CSMD1: variants seen among roughly 807,000 people sequenced by gnomAD.
CSMD1 encodes the protein CUB and Sushi multiple domains 1.
A neutral mutation model predicts 417.5 loss-of-function variants in CSMD1; 213 were observed. The observed-to-expected ratio is 0.51, with a 90% CI of 0.46 to 0.57. The LOEUF is 0.57. Among genes scored for constraint, CSMD1 ranks in the 20% least tolerant of loss-of-function variants. The pLI is 0.00. For missense variants in CSMD1, 6,923 were observed against 4,529.7 expected (o/e 1.53, Z -15.17); for synonymous variants, 2,862 against 1,736.8 (o/e 1.65, Z -16.11).
intron 3 of CSMD1, among the ~76,000 whole-genome samples, chr8:4,142,075 C>T (rs184590286): frequency 7.4e-6 from 1 of 135,110 alleles, no homozygotes; most frequent in East Asian, 2.0e-4. Flanking sequence ...AAAAAAATAA[C>T]TCCATACTGG....
chr8:3,554,940 C>CCCCTGTGTGTTA (rs1233422249), intron 10 of CSMD1, among the ~76,000 whole-genome samples: 1 of 151,932 alleles, frequency 6.6e-6, no homozygotes, highest in Non-Finnish European at 1.5e-5. Flanking sequence ...GCAAGTGGGT[C>CCCCTGTGTGTTA]AGGGGTGTTA....
At chr8:4,100,535 G>A (rs1254486919) in intron 3 of CSMD1, among the ~76,000 whole-genome samples, 1 of 152,200 alleles carries the variant, frequency 6.6e-6, no homozygotes. Flanking sequence ...TTATAGAAGT[G>A]TTGAAGGATC....
At chr8:3,165,707 A>C (rs1284013962) in intron 37 of CSMD1, among the ~76,000 whole-genome samples, 1 of 152,084 alleles carries the variant, frequency 6.6e-6, no homozygotes, top group Non-Finnish European at 1.5e-5. Context: ...TGCTGGGAGA[A>C]CGGTGGTTTT....
chr8:4,268,074 C>T (rs1237011297), intron 3 of CSMD1, among the ~76,000 whole-genome samples: 2 of 152,072 alleles, frequency 1.3e-5, no homozygotes, highest in Non-Finnish European at 2.9e-5. Context: ...TCCTCGCAAT[C>T]CACAAATTGA....
At chr8:3,640,735 A>G (rs1180656285) in intron 7 of CSMD1, among the ~76,000 whole-genome samples, 2 of 152,208 alleles carry the variant, frequency 1.3e-5, no homozygotes, top group Non-Finnish European at 2.9e-5. Context: ...GTTGTCCCTG[A>G]AAAACATTCA....
intron 3 of CSMD1, among the ~76,000 whole-genome samples, chr8:4,239,957 A>T (rs545590672): frequency 6.6e-6 from 1 of 152,318 alleles, no homozygotes; most frequent in Admixed American, 6.5e-5. Flanking sequence ...GCACTTTTAA[A>T]TCCAAACCTC....
chr8:4,986,797 T>C (rs1328013720), intron 1 of CSMD1, among the ~76,000 whole-genome samples: 3 of 151,984 alleles, frequency 2.0e-5, no homozygotes, highest in East Asian at 1.9e-4. Flanking sequence ...AGAAATCTTC[T>C]GAATTAATTG....
rs184244617 is a variant in CSMD1, at chr8:3,876,023, T to G, written c.818+121880A>C. ...TTCCTACAGTTCTATTTCCAGTTTT[T>G]ATACCCTTTGATCTTAATACTGCAT... On this transcript the variant is annotated intron_variant, in intron 5 of 69. Coordinates refer to ENST00000635120, the MANE Select transcript of CSMD1 (RefSeq NM_033225.6). Among the ~76,000 whole-genome samples the G allele has an allele frequency of 6.4e-4, 97 of 152,338 alleles. 2 individuals are homozygous for G. In the East Asian group the frequency reaches 0.016, roughly 25 times the overall value.
chr8:4,500,303 G>T (rs1012821326), intron 2 of CSMD1, among the ~76,000 whole-genome samples: 1 of 152,152 alleles, frequency 6.6e-6, no homozygotes, highest in Non-Finnish European at 1.5e-5. Context: ...TTTGTGCATA[G>T]GTTACCAGGG....
intron 9 of CSMD1, among the ~76,000 whole-genome samples, chr8:3,579,270 T>G (rs1335251285): frequency 1.3e-5 from 2 of 152,212 alleles, no homozygotes; most frequent in Non-Finnish European, 2.9e-5. Context: ...ATTTTGACAT[T>G]TATCCACTTA....
intron 3 of CSMD1, among the ~76,000 whole-genome samples, chr8:4,370,979 T>C (rs1802360262): frequency 6.6e-6 from 1 of 152,222 alleles, no homozygotes; most frequent in African/African-American, 2.4e-5. Context: ...TGTGATTGTT[T>C]GGAGGCAAGA....
chr8:3,427,586 T>A (rs991918543), intron 12 of CSMD1, among the ~76,000 whole-genome samples: 1 of 152,164 alleles, frequency 6.6e-6, no homozygotes, highest in Non-Finnish European at 1.5e-5. Flanking sequence ...CTATGAGATA[T>A]GAAACAATCT....
chr8:4,011,353 T>C (rs573796185), intron 4 of CSMD1, among the ~76,000 whole-genome samples: 2 of 152,222 alleles, frequency 1.3e-5, no homozygotes, highest in African/African-American at 4.8e-5. Context: ...AACAATGTTA[T>C]AGACTTTTCT....
chr8:3,249,518 C>T (rs932584602), intron 26 of CSMD1, among the ~76,000 whole-genome samples: 7 of 152,062 alleles, frequency 4.6e-5, no homozygotes, highest in African/African-American at 7.2e-5. Context: ...GCCATGGCAC[C>T]CGGCCTGTGA....
At chr8:3,879,109 G>C (rs1046709987) in intron 5 of CSMD1, among the ~76,000 whole-genome samples, 3 of 152,102 alleles carry the variant, frequency 2.0e-5, no homozygotes, top group Admixed American at 6.6e-5. Context: ...TCATCTTCTT[G>C]AATCTTAGGT....
At chr8:4,827,364 C>T (rs931392553) in intron 1 of CSMD1, among the ~76,000 whole-genome samples, 3 of 152,128 alleles carry the variant, frequency 2.0e-5, no homozygotes, top group African/African-American at 7.2e-5. Context: ...ACACACAAAG[C>T]CCAGCGGCTG....
intron 1 of CSMD1, among the ~76,000 whole-genome samples, chr8:4,691,270 G>C (rs1287921196): frequency 6.6e-6 from 1 of 152,154 alleles, no homozygotes; most frequent in Admixed American, 6.5e-5. Context: ...AGAATGAATA[G>C]GTGGAGAGTG....
intron 1 of CSMD1, among the ~76,000 whole-genome samples, chr8:4,819,099 G>A (rs1206099857): frequency 6.6e-6 from 1 of 152,228 alleles, no homozygotes; most frequent in Non-Finnish European, 1.5e-5. Context: ...GTCACTTGCT[G>A]CTATTCTATC....
intron 2 of CSMD1, among the ~76,000 whole-genome samples, chr8:4,493,788 T>C (rs1481479015): frequency 1.3e-5 from 2 of 152,178 alleles, no homozygotes; most frequent in Non-Finnish European, 2.9e-5. Context: ...AAGAATAGTA[T>C]TTACTAAGCT....
Sources: allele counts gnomAD v4.1 joint callset (sites outside exome capture counted in the v4.1 genomes callset), GRCh38; gene constraint gnomAD v4.1.1; transcripts MANE v1.5; gene names NCBI Gene and HGNC (gene_info 2026-07-23, HGNC 2026-07-21).